The following REV1 variants were observed in gnomAD, a reference collection of about 807,000 sequenced individuals.
The protein encoded by REV1 is REV1 DNA directed polymerase.
REV1 carries 42 observed loss-of-function variants against 137.4 expected under a neutral mutation model. The ratio of observed to expected loss-of-function variants is 0.31; its 90% confidence interval spans 0.24 to 0.40. REV1 has a LOEUF of 0.40. Ranked by LOEUF, REV1 falls within the 10% of genes least tolerant of loss-of-function variation. REV1 has a pLI of 1.00. For synonymous variants in REV1, 524 were observed against 519.2 expected (o/e 1.01, Z -0.12); for missense variants, 1,282 against 1,490.1 (o/e 0.86, Z 2.30).
At chr2:99,461,429 G>C (rs904299788) in intron 3 of REV1, among the ~76,000 whole-genome samples, 1 of 152,168 alleles carries the variant, frequency 6.6e-6, no homozygotes, top group African/African-American at 2.4e-5. Flanking sequence ...GATTCATTCA[G>C]GGAGCCATAG....
chr2:99,431,788 G>A (rs1433927709), intron 8 of REV1: 77 of 985,332 alleles, frequency 7.8e-5, no homozygotes, highest in Middle Eastern at 5.2e-4. Flanking sequence ...CGAGCGGAGT[G>A]AGTTGCTTCA....
intron 13 of REV1, 43 bp from the exon 14 acceptor site, chr2:99,410,910 T>C (rs1432779099): frequency 2.7e-6 from 4 of 1,486,628 alleles, no homozygotes; most frequent in Non-Finnish European, 3.6e-6. Flanking sequence ...TCCACTTTCC[T>C]ATATACCTAA....
In REV1 at chr2:99,462,558, T is replaced by C. The variant is rs368315896; in HGVS notation, c.119A>G (p.Gln40Arg). The change falls in exon 3 of 23, where the codon CAG becomes CGG. Residue 40 changes from glutamine (Q) to arginine (R), a missense_variant. Coordinates refer to ENST00000258428, the MANE Select transcript of REV1 (RefSeq NM_016316.4). ...EEQFRSDAAM[Q>R]KDGTSSTIFS... ...AATTGTAGATGAAGTCCCATCCTTCTGCATAGCAGCATCTGATCGAAACTG... is the reference window on the plus strand; with the variant it reads ...AATTGTAGATGAAGTCCCATCCTTCCGCATAGCAGCATCTGATCGAAACTG... 6.2e-7 allele frequency: 1 copy of C among 1,613,820 alleles called. No homozygotes were observed.
chr2:99,451,581 T>C (rs1025934834), intron 3 of REV1: 12 of 935,214 alleles, frequency 1.3e-5, no homozygotes, highest in Non-Finnish European at 1.8e-5. Context: ...TCCTGAGTTG[T>C]GTGACTTTGG....
chr2:99,419,205 A>ATTTTT (rs774732084), intron 11 of REV1, among the ~76,000 whole-genome samples: 2 of 115,998 alleles, frequency 1.7e-5, no homozygotes, highest in Non-Finnish European at 3.4e-5. Flanking sequence ...AGCAGTCCTG[A>ATTTTT]TTTTTTTTTT....
At chr2:99,453,297 T>G (rs2104995893) in intron 3 of REV1, among the ~76,000 whole-genome samples, 1 of 150,896 alleles carries the variant, frequency 6.6e-6, no homozygotes, top group South Asian at 2.1e-4. Context: ...AGGTAGAGGT[T>G]GCAATGAGCT....
At chr2:99,410,969 T>C in intron 13 of REV1, 102 bp from the exon 14 acceptor site, 1 of 1,100,094 alleles carries the variant, frequency 9.1e-7, no homozygotes, top group Non-Finnish European at 1.3e-6. Flanking sequence ...TGTTGGTTAC[T>C]CACTATCACG....
intron 12 of REV1, among the ~76,000 whole-genome samples, chr2:99,414,671 A>C (rs571622239): frequency 6.6e-6 from 1 of 152,172 alleles, no homozygotes; most frequent in Admixed American, 6.5e-5. Context: ...CTTTTTTGTC[A>C]TAAGACTTCT....
At chr2:99,407,863 TG>T (rs1676558080) in intron 15 of REV1, among the ~76,000 whole-genome samples, 165 bp downstream of exon 15, 1 of 152,168 alleles carries the variant, frequency 6.6e-6, no homozygotes, top group East Asian at 1.9e-4. Context: ...GAGGTCAAAA[TG>T]GAGGAAGTCA....
At chr2:99,443,743 C>G (rs1681809893) in intron 4 of REV1, among the ~76,000 whole-genome samples, 1 of 152,158 alleles carries the variant, frequency 6.6e-6, no homozygotes, top group South Asian at 2.1e-4. Context: ...ATTCAGGTTA[C>G]ATTCAAAATA....
chr2:99,437,192 A>G (rs1407283755), intron 6 of REV1, among the ~76,000 whole-genome samples: 3 of 151,392 alleles, frequency 2.0e-5, no homozygotes, highest in South Asian at 2.1e-4. Context: ...TGTGTTGCCC[A>G]GGTTGGTCTT....
chr2:99,470,872 G>A (rs866188303), intron 1 of REV1, among the ~76,000 whole-genome samples: 1 of 152,178 alleles, frequency 6.6e-6, no homozygotes. Context: ...TCTGCAGAAA[G>A]TATAAAAATG....
intron 19 of REV1, 95 bp downstream of exon 19, chr2:99,403,600 T>C: frequency 6.6e-7 from 1 of 1,524,234 alleles, no homozygotes; most frequent in Non-Finnish European, 9.0e-7. Context: ...ATGCAACAGC[T>C]TAGACTTTGC....
chr2:99,426,787 C>T (rs1575061988), intron 9 of REV1, among the ~76,000 whole-genome samples: 1 of 152,280 alleles, frequency 6.6e-6, no homozygotes. Context: ...TAAGTGTATG[C>T]TGCAAAAACA....
At chr2:99,458,064 T>G (rs1683733849) in intron 3 of REV1, among the ~76,000 whole-genome samples, 1 of 152,166 alleles carries the variant, frequency 6.6e-6, no homozygotes, top group African/African-American at 2.4e-5. Flanking sequence ...TTCTTAGACT[T>G]GCAAGCACAA....
Position 99,404,566 on chromosome 2 carries a change from T to G in REV1, c.2923A>C (p.Asn975His), listed in dbSNP as rs768678862. ...GGCAAAATTCCTGTATTACAGCCAT[T>G]TACTGGTTCTTTCTTTTTGTCGCCA... Reference protein sequence around the residue: ...SHGDKKKEPVNGCNTGILPQP... With the variant: ...SHGDKKKEPVHGCNTGILPQP... The change falls in exon 18 of 23, where the codon AAT becomes CAT. Residue 975 changes from asparagine to histidine, a missense_variant. By Grantham distance (68) the Asn-to-His change is moderately conservative. Coordinates refer to ENST00000258428, the MANE Select transcript of REV1 (RefSeq NM_016316.4). The G allele has an allele frequency of 1.2e-6, 2 of 1,614,146 alleles. No individual in the cohort carries two copies. The highest frequency in any genetic ancestry group is 1.7e-6 in the Non-Finnish European group (2 of 1,180,000).
chr2:99,465,199 G>T (rs1013033271), intron 1 of REV1, among the ~76,000 whole-genome samples: 3 of 152,106 alleles, frequency 2.0e-5, no homozygotes, highest in East Asian at 1.9e-4. Context: ...TGTTTAAATT[G>T]TAACTCTTAT....
intron 19 of REV1, 110 bp from the exon 20 acceptor site, chr2:99,403,216 C>T (rs1324292085): frequency 3.5e-6 from 3 of 851,646 alleles, no homozygotes; most frequent in African/African-American, 1.7e-5. Context: ...CCCTAGCCTA[C>T]ACCTCCCCTC....
At chr2:99,486,665 C>T (rs1269333784) in intron 1 of REV1, among the ~76,000 whole-genome samples, 1 of 152,242 alleles carries the variant, frequency 6.6e-6, no homozygotes, top group East Asian at 1.9e-4. Context: ...AAGTTATTAA[C>T]TTGCCCACAG....
Sources: allele counts gnomAD v4.1 joint callset (sites outside exome capture counted in the v4.1 genomes callset), GRCh38; gene constraint gnomAD v4.1.1; transcripts MANE v1.5; gene names NCBI Gene and HGNC (gene_info 2026-07-23, HGNC 2026-07-21).